Variants in TBL1XR1 observed in about 807,000 individuals in gnomAD.
The protein encoded by TBL1XR1 is F-box-like/WD repeat-containing protein TBL1XR1.
In TBL1XR1, 5 loss-of-function variants were observed where a neutral mutation model predicts 66.9. That is an observed-to-expected ratio of 0.07 (90% CI 0.04 to 0.16). The LOEUF is 0.16. TBL1XR1 is among the 10% of genes least tolerant of loss of function. The pLI is 1.00. For missense variants in TBL1XR1, 238 were observed against 623.2 expected (o/e 0.38, Z 6.58); for synonymous variants, 210 against 206.0 (o/e 1.02, Z -0.17).
intron 1 of TBL1XR1, among the ~76,000 whole-genome samples, chr3:177,130,964 C>A (rs1182982690): frequency 6.6e-6 from 1 of 152,106 alleles, no homozygotes; most frequent in African/African-American, 2.4e-5. Flanking sequence ...GAGTTAGAGA[C>A]CAGTCTGGGC....
chr3:177,126,066 C>T (rs1414984161), intron 1 of TBL1XR1: 2 of 152,162 alleles, frequency 1.3e-5, no homozygotes, highest in East Asian at 3.8e-4. Flanking sequence ...GTGCAGGGGA[C>T]ATGCTAATCT....
At chr3:177,080,324 T>C (rs1309383309) in intron 2 of TBL1XR1, among the ~76,000 whole-genome samples, 1 of 152,196 alleles carries the variant, frequency 6.6e-6, no homozygotes, top group Admixed American at 6.5e-5. Flanking sequence ...CTATTCACCT[T>C]TGGCCAGACT....
chr3:177,147,615 G>A (rs1730410952), intron 1 of TBL1XR1, among the ~76,000 whole-genome samples: 1 of 152,128 alleles, frequency 6.6e-6, no homozygotes, highest in Non-Finnish European at 1.5e-5. Flanking sequence ...TCTTCATTCT[G>A]GAATCTAGCA....
At position 177,166,154 on chromosome 3, in the gene TBL1XR1, A is replaced by C. The variant is rs182807743; in HGVS notation, c.-122+30967T>G. Among the ~76,000 whole-genome samples the C allele has an allele frequency of 7.9e-5, 12 of 152,292 alleles. No homozygotes were observed. The East Asian group carries it at 2.3e-3, about 29-fold the overall frequency. On this transcript the variant is annotated intron_variant, in intron 1 of 15. Transcript: ENST00000457928. Reference sequence around the variant, plus strand: ...GTAATCCCAGCACTCTGGGAGGCCAAGGCAGGTGGATTGGCTGAGCTCAGG... The same window carrying C: ...GTAATCCCAGCACTCTGGGAGGCCACGGCAGGTGGATTGGCTGAGCTCAGG...
intron 1 of TBL1XR1, among the ~76,000 whole-genome samples, chr3:177,108,022 T>TC (rs1725092900): frequency 7.7e-6 from 1 of 129,092 alleles, no homozygotes; most frequent in Admixed American, 7.8e-5. Flanking sequence ...AAAACTTTAT[T>TC]CAAAAAAAAA....
At chr3:177,033,471 G>A (rs1002774811) in intron 13 of TBL1XR1, among the ~76,000 whole-genome samples, 1 of 151,754 alleles carries the variant, frequency 6.6e-6, no homozygotes, top group African/African-American at 2.4e-5. Flanking sequence ...TCCCTCTTTC[G>A]CATGGTTTTG....
intron 1 of TBL1XR1, among the ~76,000 whole-genome samples, chr3:177,122,489 A>T (rs1351576468): frequency 6.6e-6 from 1 of 152,162 alleles, no homozygotes. Flanking sequence ...TCTAACACAG[A>T]TGTCAAATTT....
At chr3:177,112,834 C>G (rs973368036) in intron 1 of TBL1XR1, among the ~76,000 whole-genome samples, 94 of 152,016 alleles carry the variant, frequency 6.2e-4, no homozygotes, top group South Asian at 4.2e-4. Flanking sequence ...GAAACCCCGT[C>G]TCTACTAAAA....
chr3:177,178,260 G>A (rs1734390323), intron 1 of TBL1XR1, among the ~76,000 whole-genome samples: 1 of 152,144 alleles, frequency 6.6e-6, no homozygotes, highest in Non-Finnish European at 1.5e-5. Context: ...TATACTGAGT[G>A]TGATCAAAAA....
intron 2 of TBL1XR1, among the ~76,000 whole-genome samples, chr3:177,085,173 A>G (rs1196968045): frequency 6.6e-6 from 1 of 152,358 alleles, no homozygotes; most frequent in East Asian, 1.9e-4. Flanking sequence ...GAACCAACAC[A>G]AGTTCCAAAT....
At chr3:177,079,214 G>A (rs188924227) in intron 2 of TBL1XR1, among the ~76,000 whole-genome samples, 1 of 151,972 alleles carries the variant, frequency 6.6e-6, no homozygotes, top group Admixed American at 6.6e-5. Flanking sequence ...GGTGGATCCC[G>A]AGGTCAGGAG....
At chr3:177,060,458 G>A (rs1038937288) in intron 3 of TBL1XR1, among the ~76,000 whole-genome samples, 2 of 152,104 alleles carry the variant, frequency 1.3e-5, no homozygotes, top group African/African-American at 4.8e-5. Flanking sequence ...GCTTCCAACA[G>A]TCAAGTACAA....
At chr3:177,125,398 A>G (rs1245305955) in intron 1 of TBL1XR1, among the ~76,000 whole-genome samples, 1 of 152,204 alleles carries the variant, frequency 6.6e-6, no homozygotes, top group Admixed American at 6.5e-5. Flanking sequence ...AAGGGTTGAC[A>G]AGGATATGAG....
At chr3:177,058,889 A>AT (rs1485601936) in intron 3 of TBL1XR1, among the ~76,000 whole-genome samples, 3 of 152,202 alleles carry the variant, frequency 2.0e-5, no homozygotes, top group African/African-American at 7.2e-5. Flanking sequence ...AAAAATGGTA[A>AT]TTCAGCTTAC....
intron 1 of TBL1XR1, among the ~76,000 whole-genome samples, chr3:177,193,829 C>T (rs1001203831): frequency 6.6e-6 from 1 of 152,170 alleles, no homozygotes; most frequent in African/African-American, 2.4e-5. Context: ...TAAGACAGAC[C>T]CAGGTTTGAA....
chr3:177,029,166 T>G (rs1438688716), intron 14 of TBL1XR1, among the ~76,000 whole-genome samples: 1 of 149,872 alleles, frequency 6.7e-6, no homozygotes, highest in Non-Finnish European at 1.5e-5. Flanking sequence ...CCGGGCACAG[T>G]GGCATGTGCC....
At chr3:177,046,261 A>G in intron 9 of TBL1XR1, 72 bp from the exon 10 acceptor site, 1 of 1,093,556 alleles carries the variant, frequency 9.1e-7, no homozygotes, top group South Asian at 1.6e-5. Flanking sequence ...GTATATGCCT[A>G]ACTGTATTAC....
intron 2 of TBL1XR1, among the ~76,000 whole-genome samples, chr3:177,084,649 G>A (rs1361658281): frequency 3.3e-5 from 5 of 152,174 alleles, no homozygotes; most frequent in Non-Finnish European, 5.9e-5. Flanking sequence ...ACCTCTATGG[G>A]TATCTTCTTC....
chr3:177,174,439 T>C (rs923675667), intron 1 of TBL1XR1, among the ~76,000 whole-genome samples: 23 of 147,476 alleles, frequency 1.6e-4, no homozygotes, highest in Admixed American at 1.4e-3. Flanking sequence ...AAGGTTATGA[T>C]GATGACAAAG....
Sources: allele counts gnomAD v4.1 joint callset (sites outside exome capture counted in the v4.1 genomes callset), GRCh38; gene constraint gnomAD v4.1.1; transcripts MANE v1.5; gene names NCBI Gene and HGNC (gene_info 2026-07-23, HGNC 2026-07-21).